SLX4IP: variants seen among roughly 807,000 people sequenced by gnomAD.
The protein encoded by SLX4IP is SLX4 interacting protein, also known as protein SLX4IP.
Under a neutral mutation model 32.9 loss-of-function variants are expected in SLX4IP, and 34 were observed. The ratio of observed to expected loss-of-function variants is 1.03; its 90% CI spans 0.79 to 1.38. SLX4IP has a LOEUF of 1.38. Among genes scored for constraint, SLX4IP ranks in the 40% most tolerant of loss-of-function variants. The pLI is 0.00. For missense variants in SLX4IP, 444 were observed against 479.0 expected (o/e 0.93, Z 0.68); for synonymous variants, 172 against 171.7 (o/e 1.00, Z -0.01).
intron 2 of SLX4IP, among the ~76,000 whole-genome samples, chr20:10,528,451 T>A (rs560134642): frequency 1.3e-5 from 2 of 152,266 alleles, no homozygotes; most frequent in African/African-American, 4.8e-5. Flanking sequence ...TATCTGATAC[T>A]CATGAGTAAT....
rs538109022 is a variant in SLX4IP at position 10,594,504 on chromosome 20, C to T, written c.239-4171C>T. Among the ~76,000 whole-genome samples the T allele has an allele frequency of 4.6e-5, 7 of 152,328 alleles. No homozygotes were observed. In the South Asian group the frequency reaches 6.2e-4, roughly 14 times the overall value. On this transcript the variant is annotated intron_variant, in intron 4 of 7. Transcript: ENST00000334534. ...CCAGACCACAGACTCCCGTTGGCAG[C>T]TGTGGGGAAGCTCAAGTCGCCTTAG...
At chr20:10,573,156 G>A (rs2066485749) in intron 4 of SLX4IP, among the ~76,000 whole-genome samples, 1 of 152,206 alleles carries the variant, frequency 6.6e-6, no homozygotes, top group Non-Finnish European at 1.5e-5. Context: ...TGTGTATGTG[G>A]TGTTTTGTTT....
intron 6 of SLX4IP, among the ~76,000 whole-genome samples, chr20:10,618,258 C>G (rs1026520784): frequency 6.6e-6 from 1 of 152,192 alleles, no homozygotes; most frequent in African/African-American, 2.4e-5. Context: ...TGTGGCCTGC[C>G]TAGGCTGCTT....
At chr20:10,588,242 C>A (rs751766345) in intron 4 of SLX4IP, among the ~76,000 whole-genome samples, 1 of 152,020 alleles carries the variant, frequency 6.6e-6, no homozygotes, top group African/African-American at 2.4e-5. Context: ...TAATTGTAAA[C>A]AGGTATATGG....
chr20:10,580,779 T>C (rs1181296070), intron 4 of SLX4IP, among the ~76,000 whole-genome samples: 1 of 152,126 alleles, frequency 6.6e-6, no homozygotes, highest in Non-Finnish European at 1.5e-5. Flanking sequence ...CATTTCCTGT[T>C]CATACTGGCT....
chr20:10,517,639 T>A (rs2065861462), intron 2 of SLX4IP, among the ~76,000 whole-genome samples: 1 of 152,172 alleles, frequency 6.6e-6, no homozygotes, highest in African/African-American at 2.4e-5. Flanking sequence ...GAACAGGGGC[T>A]AATTGTCCTG....
Position 10,441,256 on chromosome 20 carries a change from C to T in SLX4IP, c.-30+5803C>T, listed in dbSNP as rs113021653. Among the ~76,000 whole-genome samples, 728 of 152,022 alleles carry T rather than the reference C, an allele frequency of 4.8e-3. 16 individuals carry two copies. In the South Asian group the frequency reaches 0.068, roughly 14 times the overall value. ...TTAGAAAACAGCCTGGGCAATATGG[C>T]GAAACCTCATCTCTACAAAAAATAC... On this transcript the variant is annotated intron_variant, in intron 1 of 7. Transcript: ENST00000334534.
chr20:10,456,249 C>G (rs1367467941), intron 1 of SLX4IP, among the ~76,000 whole-genome samples: 1 of 152,210 alleles, frequency 6.6e-6, no homozygotes, highest in Non-Finnish European at 1.5e-5. Context: ...TGAAGCACTT[C>G]TGGTCCTAAG....
At chr20:10,451,629 A>G (rs1370531471) in intron 1 of SLX4IP, among the ~76,000 whole-genome samples, 1 of 152,190 alleles carries the variant, frequency 6.6e-6, no homozygotes, top group African/African-American at 2.4e-5. Context: ...ACATTTTTAT[A>G]TAGCTCACAT....
At chr20:10,481,695 A>G (rs1421035703) in intron 2 of SLX4IP, among the ~76,000 whole-genome samples, 1 of 152,124 alleles carries the variant, frequency 6.6e-6, no homozygotes, top group Non-Finnish European at 1.5e-5. Context: ...ATTACCCCAG[A>G]ATTTAGCAGC....
At chr20:10,553,223 A>C (rs2066235216) in intron 2 of SLX4IP, among the ~76,000 whole-genome samples, 1 of 152,192 alleles carries the variant, frequency 6.6e-6, no homozygotes, top group Admixed American at 6.5e-5. Context: ...ATATTACATT[A>C]AGGTTGTTGC....
chr20:10,564,911 C>G (rs2066373240), intron 4 of SLX4IP, among the ~76,000 whole-genome samples: 1 of 152,178 alleles, frequency 6.6e-6, no homozygotes. Flanking sequence ...TTTTGCCAGA[C>G]TGACAGTCCA....
chr20:10,558,912 A>G (rs1463967755), intron 3 of SLX4IP, among the ~76,000 whole-genome samples: 1 of 152,182 alleles, frequency 6.6e-6, no homozygotes, highest in Non-Finnish European at 1.5e-5. Context: ...CATTCGTCAA[A>G]CTGACTCACA....
At chr20:10,620,943 C>T in intron 6 of SLX4IP, among the ~76,000 whole-genome samples, 1 of 151,728 alleles carries the variant, frequency 6.6e-6, no homozygotes, top group East Asian at 1.9e-4. Context: ...CCAGGTCTTG[C>T]TAGAAGAACA....
intron 1 of SLX4IP, among the ~76,000 whole-genome samples, chr20:10,449,938 T>C (rs1341973186): frequency 6.6e-6 from 1 of 150,866 alleles, no homozygotes; most frequent in Non-Finnish European, 1.5e-5. Flanking sequence ...CTGTTCTTGT[T>C]TTATTGATAA....
intron 4 of SLX4IP, among the ~76,000 whole-genome samples, chr20:10,594,532 A>G (rs1180476801): frequency 6.6e-6 from 1 of 152,230 alleles, no homozygotes; most frequent in Non-Finnish European, 1.5e-5. Flanking sequence ...CGCCTTAGCT[A>G]TGAATCCCCT....
intron 2 of SLX4IP, among the ~76,000 whole-genome samples, chr20:10,489,369 A>G (rs931638334): frequency 2.6e-5 from 4 of 152,194 alleles, no homozygotes; most frequent in East Asian, 1.9e-4. Flanking sequence ...GCTGAAACCC[A>G]CAAGATACAT....
chr20:10,613,396 A>T, intron 6 of SLX4IP: 1 of 1,518,836 alleles, frequency 6.6e-7, no homozygotes, highest in East Asian at 2.2e-5. Context: ...TTACAATGGC[A>T]TCAATTTACA....
chr20:10,561,087 GTTTT>G (rs753222703), intron 4 of SLX4IP, among the ~76,000 whole-genome samples: 2 of 152,022 alleles, frequency 1.3e-5, no homozygotes, highest in Non-Finnish European at 2.9e-5. Context: ...TATTTTTAAG[GTTTT>G]TTTATTTTTA....
Sources: allele counts gnomAD v4.1 joint callset (sites outside exome capture counted in the v4.1 genomes callset), GRCh38; gene constraint gnomAD v4.1.1; transcripts MANE v1.5; gene names NCBI Gene and HGNC (gene_info 2026-07-23, HGNC 2026-07-21).